GRM1: variants seen among roughly 807,000 people sequenced by gnomAD.
GRM1 encodes metabotropic glutamate receptor 1.
GRM1 carries 33 observed loss-of-function variants against 90.9 expected under a neutral mutation model. That is an observed-to-expected ratio of 0.36 (90% confidence interval 0.28 to 0.49). The LOEUF (loss-of-function observed/expected upper bound fraction) is 0.49, where lower values mean the gene tolerates loss of function less well. GRM1 is among the 20% of genes least tolerant of loss of function. The probability of loss-of-function intolerance (pLI) is 0.99; values close to 1 mark genes in which losing one functional copy is unlikely to be tolerated. For synonymous variants in GRM1, 700 were observed against 613.2 expected (o/e 1.14, Z -2.09); for missense variants, 1,190 against 1,534.3 (o/e 0.78, Z 3.75).
At chr6:146,173,091 G>A (rs955245119) in intron 2 of GRM1, among the ~76,000 whole-genome samples, 2 of 152,004 alleles carry the variant, frequency 1.3e-5, no homozygotes, top group Non-Finnish European at 2.9e-5. Flanking sequence ...TTCTTTGACT[G>A]GAAAACTCTT....
chr6:146,274,033 C>A (rs1031162515), intron 2 of GRM1, among the ~76,000 whole-genome samples: 2 of 152,158 alleles, frequency 1.3e-5, no homozygotes, highest in Non-Finnish European at 2.9e-5. Flanking sequence ...ACTCTGCAAT[C>A]GTTTTTGTAT....
chr6:146,261,173 T>G (rs1781683030), intron 2 of GRM1, among the ~76,000 whole-genome samples: 1 of 151,866 alleles, frequency 6.6e-6, no homozygotes, highest in Admixed American at 6.6e-5. Context: ...TTATGGAAAA[T>G]CTGAAGGACA....
chr6:146,126,277 CATA>C (rs1193269999), intron 1 of GRM1, among the ~76,000 whole-genome samples: 2 of 151,954 alleles, frequency 1.3e-5, no homozygotes, highest in Non-Finnish European at 2.9e-5. Context: ...ATATTGATGA[CATA>C]ATATTTCTAA....
intron 5 of GRM1, among the ~76,000 whole-genome samples, chr6:146,375,996 G>A (rs1402678958): frequency 1.3e-5 from 2 of 151,692 alleles, no homozygotes; most frequent in African/African-American, 4.8e-5. Flanking sequence ...TTTCTCTGGT[G>A]GCATGAATTA....
chr6:146,081,999 G>C (rs561199348), intron 1 of GRM1, among the ~76,000 whole-genome samples: 105 of 152,292 alleles, frequency 6.9e-4, no homozygotes, highest in African/African-American at 2.5e-3. Flanking sequence ...GTTAAAGTTA[G>C]TTCTTAGGAA....
intron 2 of GRM1, among the ~76,000 whole-genome samples, chr6:146,251,509 A>G (rs189924161): frequency 9.1e-4 from 139 of 152,358 alleles, no homozygotes; most frequent in African/African-American, 3.1e-3. Flanking sequence ...TTTAAATATT[A>G]GAAGTGAGGG....
intron 1 of GRM1, among the ~76,000 whole-genome samples, 168 bp from the exon 2 acceptor site, chr6:146,159,180 G>T (rs943055239): frequency 6.6e-6 from 1 of 152,176 alleles, no homozygotes; most frequent in African/African-American, 2.4e-5. Context: ...GGTTACATTT[G>T]ATTACTCTCT....
chr6:146,398,721 C>A, intron 6 of GRM1, 48 bp from the exon 7 acceptor site: 1 of 1,270,334 alleles, frequency 7.9e-7, no homozygotes, highest in Non-Finnish European at 1.2e-6. Context: ...AGTTGTTATT[C>A]CTAGCAGAAA....
rs542084825 is a variant in GRM1 at position 146,133,825 on chromosome 6, A to C, written c.701-25523A>C. On this transcript the variant is annotated intron_variant, in intron 1 of 7. Coordinates refer to ENST00000282753, the MANE Select transcript of GRM1 (RefSeq NM_001278064.2). Reference sequence around the variant, plus strand: ...AGGATCTGTGGAACCAAAGCACGTTAGGATATCAGGGCTTTAATGGGTTAC... The same window carrying C: ...AGGATCTGTGGAACCAAAGCACGTTCGGATATCAGGGCTTTAATGGGTTAC... Among the ~76,000 whole-genome samples the C allele has an allele frequency of 2.6e-5, 4 of 152,350 alleles. No individual in the cohort carries two copies. In the South Asian group the frequency reaches 8.3e-4, roughly 32 times the overall value.
At chr6:146,220,852 A>C (rs549089303) in intron 2 of GRM1, among the ~76,000 whole-genome samples, 2 of 152,190 alleles carry the variant, frequency 1.3e-5, no homozygotes, top group South Asian at 4.1e-4. Flanking sequence ...TGCTACCTCA[A>C]GTATCAGAAA....
intron 1 of GRM1, among the ~76,000 whole-genome samples, chr6:146,046,235 T>G (rs1188370222): frequency 6.6e-6 from 1 of 152,066 alleles, no homozygotes; most frequent in African/African-American, 2.4e-5. Flanking sequence ...GTATTGTTAT[T>G]TTCTCATTTT....
intron 1 of GRM1, among the ~76,000 whole-genome samples, chr6:146,060,684 T>TAG (rs1775635828): frequency 6.6e-6 from 1 of 152,174 alleles, no homozygotes; most frequent in East Asian, 1.9e-4. Flanking sequence ...ATGTCTTTAC[T>TAG]ATTGTGAATA....
chr6:146,266,467 A>T (rs533902835), intron 2 of GRM1, among the ~76,000 whole-genome samples: 1 of 152,054 alleles, frequency 6.6e-6, no homozygotes, highest in African/African-American at 2.4e-5. Context: ...TCATATTTTG[A>T]CCACTAGAAT....
At chr6:146,233,933 TC>T (rs1780534875) in intron 2 of GRM1, among the ~76,000 whole-genome samples, 1 of 152,134 alleles carries the variant, frequency 6.6e-6, no homozygotes, top group South Asian at 2.1e-4. Context: ...TGTTAATTTC[TC>T]CTTTCAATTT....
At chr6:146,231,843 A>G (rs1192674590) in intron 2 of GRM1, among the ~76,000 whole-genome samples, 2 of 149,878 alleles carry the variant, frequency 1.3e-5, no homozygotes, top group Non-Finnish European at 2.9e-5. Flanking sequence ...TTTTACATCT[A>G]TATTCATGAG....
chr6:146,396,259 CA>C (rs748114172), intron 6 of GRM1, among the ~76,000 whole-genome samples: 3 of 152,086 alleles, frequency 2.0e-5, no homozygotes, highest in African/African-American at 7.2e-5. Context: ...CTCTGATACA[CA>C]AGGAAGAGAG....
chr6:146,046,711 C>T (rs1791344112), intron 1 of GRM1, among the ~76,000 whole-genome samples: 1 of 151,872 alleles, frequency 6.6e-6, no homozygotes, highest in Admixed American at 6.6e-5. Flanking sequence ...GTAACATAAG[C>T]AAATATATGT....
At chr6:146,218,319 T>A (rs1164775902) in intron 2 of GRM1, among the ~76,000 whole-genome samples, 2 of 152,222 alleles carry the variant, frequency 1.3e-5, no homozygotes, top group African/African-American at 4.8e-5. Context: ...ATGCCCTATA[T>A]AAATTTCCTA....
intron 1 of GRM1, among the ~76,000 whole-genome samples, chr6:146,141,279 G>GTT (rs879736360): frequency 2.8e-5 from 4 of 141,256 alleles, no homozygotes; most frequent in Admixed American, 1.4e-4. Flanking sequence ...TCTGTTCTTA[G>GTT]TTTTTTTTTT....
Sources: allele counts gnomAD v4.1 joint callset (sites outside exome capture counted in the v4.1 genomes callset), GRCh38; gene constraint gnomAD v4.1.1; transcripts MANE v1.5; gene names NCBI Gene and HGNC (gene_info 2026-07-23, HGNC 2026-07-21).